Variants in ATF7IP observed in about 807,000 individuals in gnomAD.
The protein encoded by ATF7IP is activating transcription factor 7-interacting protein 1.
In ATF7IP, 23 loss-of-function variants were observed where a neutral mutation model predicts 106.4. The ratio of observed to expected loss-of-function variants is 0.22; its 90% CI spans 0.16 to 0.31. The LOEUF (loss-of-function observed/expected upper bound fraction) is 0.31, where lower values mean the gene tolerates loss of function less well. Among genes scored for constraint, ATF7IP ranks in the 10% least tolerant of loss-of-function variants. ATF7IP has a pLI of 1.00. For synonymous variants in ATF7IP, 542 were observed against 539.0 expected (o/e 1.01, Z -0.08); for missense variants, 1,334 against 1,524.3 (o/e 0.88, Z 2.08).
chr12:14,399,657 G>A (rs1318696187), intron 1 of ATF7IP, among the ~76,000 whole-genome samples: 5 of 149,198 alleles, frequency 3.4e-5, no homozygotes, highest in African/African-American at 1.2e-4. Context: ...ATTGAAAGTT[G>A]TTGCTTCTGG....
At chr12:14,373,964 T>A (rs571983101) in intron 1 of ATF7IP, among the ~76,000 whole-genome samples, 2 of 152,134 alleles carry the variant, frequency 1.3e-5, no homozygotes, top group African/African-American at 4.8e-5. Flanking sequence ...ACTTGCTTAA[T>A]TCAAAAGGAC....
intron 6 of ATF7IP, among the ~76,000 whole-genome samples, chr12:14,447,622 C>T (rs1339288935): frequency 6.6e-6 from 1 of 152,112 alleles, no homozygotes; most frequent in African/African-American, 2.4e-5. Flanking sequence ...TTCTGTCCAT[C>T]TTTAAAATTA....
At chr12:14,470,700 T>C (rs1182082612) in intron 10 of ATF7IP, among the ~76,000 whole-genome samples, 1 of 152,216 alleles carries the variant, frequency 6.6e-6, no homozygotes, top group Non-Finnish European at 1.5e-5. Flanking sequence ...TTAATGCATG[T>C]AAAGCATTTA....
chr12:14,376,460 A>G (rs1418228861), intron 1 of ATF7IP, among the ~76,000 whole-genome samples: 3 of 152,276 alleles, frequency 2.0e-5, no homozygotes, highest in South Asian at 4.1e-4. Context: ...TTTAAAATAC[A>G]GAAATACATC....
At chr12:14,404,616 G>T (rs574387391) in intron 1 of ATF7IP, among the ~76,000 whole-genome samples, 81 of 151,812 alleles carry the variant, frequency 5.3e-4, no homozygotes, top group Admixed American at 8.5e-4. Context: ...TGTATATTTG[G>T]TTTTTTTGCA....
chr12:14,434,302 A>G, intron 2 of ATF7IP, 35 bp from the exon 3 acceptor site: 1 of 1,234,714 alleles, frequency 8.1e-7, no homozygotes. Flanking sequence ...GAATTCTAGT[A>G]GAAGTAAGAT....
At chr12:14,480,155 AT>A (rs1233446096) in intron 12 of ATF7IP, among the ~76,000 whole-genome samples, 1 of 151,898 alleles carries the variant, frequency 6.6e-6, no homozygotes, top group African/African-American at 2.4e-5. Context: ...CTCCAACTTT[AT>A]TTTTTTATAG....
chr12:14,405,518 G>A, intron 1 of ATF7IP, among the ~76,000 whole-genome samples: 1 of 141,234 alleles, frequency 7.1e-6, no homozygotes, highest in Non-Finnish European at 1.5e-5. Flanking sequence ...AGGCTCAAGT[G>A]ATCCTCCCAC....
intron 13 of ATF7IP, among the ~76,000 whole-genome samples, chr12:14,490,999 C>A (rs535187247): frequency 6.6e-6 from 1 of 152,260 alleles, no homozygotes; most frequent in African/African-American, 2.4e-5. Flanking sequence ...TAGTTACCTG[C>A]AAAAGATGAC....
chr12:14,402,491 A>G (rs948872021), intron 1 of ATF7IP, among the ~76,000 whole-genome samples: 9 of 151,522 alleles, frequency 5.9e-5, no homozygotes, highest in African/African-American at 2.2e-4. Flanking sequence ...ACTTCTAATA[A>G]ATTTTATCCA....
At chr12:14,396,774 T>C (rs1035737439) in intron 1 of ATF7IP, among the ~76,000 whole-genome samples, 1 of 152,148 alleles carries the variant, frequency 6.6e-6, no homozygotes, top group Non-Finnish European at 1.5e-5. Context: ...ATTTATTGAA[T>C]GCTGTTAGAG....
intron 9 of ATF7IP, among the ~76,000 whole-genome samples, chr12:14,463,527 G>T (rs1474719478): frequency 6.6e-6 from 1 of 152,132 alleles, no homozygotes; most frequent in Non-Finnish European, 1.5e-5. Context: ...AATTATAAAT[G>T]TGATGAGTGT....
chr12:14,436,038 A>G (rs531632512), intron 3 of ATF7IP, 68 bp from the exon 4 acceptor site: 62 of 1,476,714 alleles, frequency 4.2e-5, no homozygotes, highest in Non-Finnish European at 5.5e-5. Flanking sequence ...TTTGCTAAGG[A>G]TGGATAATAT....
At chr12:14,487,235 T>C (rs774238673) in intron 13 of ATF7IP, among the ~76,000 whole-genome samples, 3 of 150,242 alleles carry the variant, frequency 2.0e-5, no homozygotes, top group Non-Finnish European at 4.4e-5. Context: ...CATAATCTTA[T>C]ACCCTTAATA....
At chr12:14,492,261 C>T (rs993409867) in intron 13 of ATF7IP, among the ~76,000 whole-genome samples, 10 of 152,228 alleles carry the variant, frequency 6.6e-5, no homozygotes, top group African/African-American at 2.4e-4. Flanking sequence ...TGGAGGACCA[C>T]AATGATGCTT....
At chr12:14,385,898 C>CT (rs572053404) in intron 1 of ATF7IP, among the ~76,000 whole-genome samples, 1 of 150,742 alleles carries the variant, frequency 6.6e-6, no homozygotes, top group Admixed American at 6.6e-5. Flanking sequence ...TGTCCAAAAT[C>CT]TTTTTTTTTG....
intron 13 of ATF7IP, among the ~76,000 whole-genome samples, chr12:14,483,738 C>T (rs1944500494): frequency 6.6e-6 from 1 of 151,994 alleles, no homozygotes; most frequent in African/African-American, 2.4e-5. Context: ...GAACTTTGCC[C>T]CAGCCCTGCA....
Position 14,502,249 on chromosome 12 carries a change from A to T in ATF7IP, c.*4176A>T, listed in dbSNP as rs1048345634. On this transcript the variant is annotated 3_prime_UTR_variant, in exon 15 of 15. Coordinates refer to ENST00000261168, the MANE Select transcript of ATF7IP (RefSeq NM_018179.5). ...ACTATTTTTACTGGGCAAATGCCCT[A>T]TTTTTTTAATTATTATTATTTTTAA... 5 of 152,142 alleles carry T rather than the reference A, an allele frequency of 3.3e-5. No homozygotes were observed. The highest frequency in any genetic ancestry group is 4.4e-5 in the Non-Finnish European group (3 of 67,998). The allele number at this position is 152,142 out of a possible 1,614,324, so 9.4% of individuals were successfully genotyped here. A position where few individuals can be genotyped will look rare whatever the true frequency, so the allele number is the denominator to read the frequency against.
intron 9 of ATF7IP, among the ~76,000 whole-genome samples, chr12:14,465,942 C>T (rs1943815941): frequency 6.6e-6 from 1 of 152,112 alleles, no homozygotes; most frequent in African/African-American, 2.4e-5. Context: ...TTAATACATT[C>T]TCTCTTTTCC....
Sources: gnomAD v4.1 joint callset for allele counts (sites outside exome capture counted in the v4.1 genomes callset) on GRCh38, gnomAD v4.1.1 for gene constraint, MANE v1.5 for transcripts, NCBI Gene and HGNC (gene_info 2026-07-23, HGNC 2026-07-21) for gene names.